Variants in CCDC15 observed in about 807,000 individuals in gnomAD.
CCDC15 encodes the protein coiled-coil domain-containing protein 15.
A neutral mutation model predicts 114.5 loss-of-function variants in CCDC15; 105 were observed. That is an observed-to-expected ratio of 0.92 (90% CI 0.78 to 1.08). CCDC15 has a LOEUF of 1.08. Among genes scored for constraint, CCDC15 ranks in the 50% least tolerant of loss-of-function variants. The probability of loss-of-function intolerance (pLI) is 0.00; values close to 1 mark genes in which losing one functional copy is unlikely to be tolerated. For synonymous variants in CCDC15, 334 were observed against 377.8 expected (o/e 0.88, Z 1.34); for missense variants, 1,105 against 1,093.6 (o/e 1.01, Z -0.15).
Position 124,987,812 on chromosome 11 carries a change from G to A in CCDC15, c.1586G>A (p.Gly529Asp), listed in dbSNP as rs4936966. The part of the protein sequence containing the change: ...KDQNILPKYQ[G>D]QDFLPKDQDF... ...CAGAATATTCTACCTAAATATCAAG[G>A]CCAGGATTTTCTACCTAAAGACCAG... Residue 529 changes from glycine (G) to aspartate (D), a missense_variant, in exon 8 of 16, where the codon GGC (glycine) becomes GAC (aspartate). Coordinates refer to ENST00000344762, the MANE Select transcript of CCDC15 (RefSeq NM_025004.3). 342,004 of 1,610,990 alleles carry A rather than the reference G, an allele frequency of 0.21. 39,655 individuals are homozygous for A. Among genetic ancestry groups the A allele is most frequent in the African/African-American group, 0.45 (33,470 of 74,254 alleles).
intron 6 of CCDC15, among the ~76,000 whole-genome samples, chr11:124,983,254 G>A (rs534252409): frequency 1.4e-4 from 21 of 152,150 alleles, no homozygotes; most frequent in African/African-American, 3.9e-4. Context: ...CGATATTTTT[G>A]TTCCTATCCA....
At chr11:125,015,404 A>ATTCCTAATGG (rs1489588557) in intron 13 of CCDC15, among the ~76,000 whole-genome samples, 2 of 152,192 alleles carry the variant, frequency 1.3e-5, no homozygotes, top group African/African-American at 4.8e-5. Flanking sequence ...AAAGGGAACC[A>ATTCCTAATGG]TTACTACAGA....
intron 13 of CCDC15, among the ~76,000 whole-genome samples, chr11:125,025,854 A>G (rs1005245606): frequency 1.3e-5 from 2 of 152,106 alleles, no homozygotes; most frequent in Non-Finnish European, 2.9e-5. Context: ...ATTCATTATC[A>G]GCCTGACTTA....
intron 13 of CCDC15, among the ~76,000 whole-genome samples, chr11:125,030,087 C>T (rs1948727745): frequency 6.6e-6 from 1 of 152,158 alleles, no homozygotes; most frequent in Admixed American, 6.5e-5. Context: ...TCTAGGCCAG[C>T]AGAATGTAAT....
intron 13 of CCDC15, among the ~76,000 whole-genome samples, chr11:125,005,713 C>T (rs1262453169): frequency 6.6e-6 from 1 of 152,066 alleles, no homozygotes; most frequent in Non-Finnish European, 1.5e-5. Context: ...CTGCCTATTC[C>T]TCCCTCTTTA....
chr11:124,973,108 T>C (rs1262723837), intron 4 of CCDC15, among the ~76,000 whole-genome samples: 2 of 152,168 alleles, frequency 1.3e-5, no homozygotes, highest in Non-Finnish European at 2.9e-5. Flanking sequence ...AGGGTTATGG[T>C]AACTACAGAG....
intron 13 of CCDC15, among the ~76,000 whole-genome samples, chr11:125,030,596 G>A (rs1386820138): frequency 3.9e-5 from 6 of 152,192 alleles, no homozygotes; most frequent in African/African-American, 1.4e-4. Flanking sequence ...AAGAAGTCCA[G>A]TATAATCAGC....
In CCDC15 at chr11:124,964,168, G is replaced by A. The variant is rs535930446; in HGVS notation, c.516+4165G>A. Among the ~76,000 whole-genome samples, 81 of 152,158 alleles carry A rather than the reference G, an allele frequency of 5.3e-4. 3 individuals are homozygous for A. Among genetic ancestry groups the A allele is most frequent in the African/African-American group, 7.2e-4 (30 of 41,526 alleles). ...ATGAACTTTAAAGTAGTTTTTTCCA[G>A]TTCTGTGAAGAAAGTCAGTGGTAGC... is the stretch of plus-strand genomic sequence containing the variant. On this transcript the variant is annotated intron_variant, in intron 4 of 15. Coordinates refer to ENST00000344762, the MANE Select transcript of CCDC15 (RefSeq NM_025004.3).
chr11:125,026,661 C>T (rs1230403777), intron 13 of CCDC15, among the ~76,000 whole-genome samples: 1 of 152,146 alleles, frequency 6.6e-6, no homozygotes, highest in Non-Finnish European at 1.5e-5. Context: ...ATTCTGTTAA[C>T]TGTTAAGCAA....
At chr11:125,040,052 G>GTTT (rs5795442) in intron 15 of CCDC15, among the ~76,000 whole-genome samples, 1 of 146,014 alleles carries the variant, frequency 6.8e-6, no homozygotes, top group African/African-American at 2.5e-5. Context: ...TTTTGTTTTT[G>GTTT]TTTTTTTTTT....
intron 1 of CCDC15, 56 bp from the exon 2 acceptor site, chr11:124,954,668 T>A: frequency 6.5e-7 from 1 of 1,528,232 alleles, no homozygotes; most frequent in Non-Finnish European, 9.0e-7. Flanking sequence ...TGTTAGGAGG[T>A]TGAACTTTTA....
At chr11:124,967,670 C>T (rs1293317649) in intron 4 of CCDC15, among the ~76,000 whole-genome samples, 4 of 152,186 alleles carry the variant, frequency 2.6e-5, no homozygotes, top group South Asian at 4.1e-4. Context: ...AGCTTTGTTC[C>T]GTTGCTGGCG....
At chr11:125,021,684 CTG>C (rs1471009338) in intron 13 of CCDC15, among the ~76,000 whole-genome samples, 1 of 151,790 alleles carries the variant, frequency 6.6e-6, no homozygotes, top group African/African-American at 2.4e-5. Flanking sequence ...AGAGGAGTAT[CTG>C]TGAGGAGAGG....
intron 11 of CCDC15, among the ~76,000 whole-genome samples, chr11:124,998,511 CTG>C (rs1948413866): frequency 6.6e-6 from 1 of 152,050 alleles, no homozygotes; most frequent in Admixed American, 6.6e-5. Context: ...ATAATAGTTG[CTG>C]TGAGGATTAC....
chr11:124,979,947 A>G (rs1474900758), intron 6 of CCDC15, among the ~76,000 whole-genome samples: 1 of 152,084 alleles, frequency 6.6e-6, no homozygotes, highest in African/African-American at 2.4e-5. Flanking sequence ...ATATTCCTTC[A>G]AACAAATGCC....
At chr11:124,981,056 T>C (rs557118931) in intron 6 of CCDC15, among the ~76,000 whole-genome samples, 2 of 152,330 alleles carry the variant, frequency 1.3e-5, no homozygotes, top group Admixed American at 1.3e-4. Flanking sequence ...TTAATTTCCA[T>C]GTAAATGTAT....
At chr11:125,005,786 C>T (rs553771472) in intron 13 of CCDC15, among the ~76,000 whole-genome samples, 3 of 152,212 alleles carry the variant, frequency 2.0e-5, no homozygotes, top group South Asian at 2.1e-4. Flanking sequence ...TTTTCCAGAA[C>T]GTCATATAGT....
At chr11:125,017,953 TAA>T (rs1272545755) in intron 13 of CCDC15, among the ~76,000 whole-genome samples, 1 of 152,158 alleles carries the variant, frequency 6.6e-6, no homozygotes, top group Non-Finnish European at 1.5e-5. Flanking sequence ...AGAGTTATTA[TAA>T]AAGAGTCAAG....
intron 2 of CCDC15, among the ~76,000 whole-genome samples, 184 bp downstream of exon 2, chr11:124,955,093 G>C (rs1025902907): frequency 2.6e-5 from 4 of 152,184 alleles, no homozygotes; most frequent in African/African-American, 9.7e-5. Context: ...TGCAGCTTTA[G>C]TTGGCATAAT....
Sources: gnomAD v4.1 joint callset for allele counts (sites outside exome capture counted in the v4.1 genomes callset) on GRCh38, gnomAD v4.1.1 for gene constraint, MANE v1.5 for transcripts, NCBI Gene and HGNC (gene_info 2026-07-23, HGNC 2026-07-21) for gene names.